PDIA6: variants seen among roughly 807,000 people sequenced by gnomAD.
PDIA6 encodes the protein protein disulfide-isomerase A6.
In PDIA6, 29 loss-of-function variants were observed where a neutral mutation model predicts 58.4. The ratio of observed to expected loss-of-function variants is 0.50; its 90% CI spans 0.37 to 0.68. The LOEUF is 0.68. Ranked by LOEUF, PDIA6 falls within the 30% of genes least tolerant of loss-of-function variation. PDIA6 has a pLI of 0.00. For synonymous variants in PDIA6, 192 were observed against 202.6 expected (o/e 0.95, Z 0.44); for missense variants, 480 against 551.0 (o/e 0.87, Z 1.29).
At chr2:10,816,077 C>CTTTTTTTTTTTT (rs57404091), upstream of PDIA6, among the ~76,000 whole-genome samples, 83 of 96,466 alleles carry the variant, frequency 8.6e-4, 5 homozygotes, top group African/African-American at 1.5e-3. Context: ...AATCATTTGT[C>CTTTTTTTTTTTT]TTTTTTTTTT....
chr2:10,820,078 C>T (rs963855127), intron 1 of PDIA6, among the ~76,000 whole-genome samples: 1 of 152,164 alleles, frequency 6.6e-6, no homozygotes, highest in Non-Finnish European at 1.5e-5. Flanking sequence ...GTGAAGTGGC[C>T]TCATTGTCTG....
upstream of PDIA6, among the ~76,000 whole-genome samples, chr2:10,815,909 C>A (rs1667177858): frequency 6.6e-6 from 1 of 151,912 alleles, no homozygotes; most frequent in Admixed American, 6.6e-5. Flanking sequence ...TAGAACCATC[C>A]CCACTAATCA....
At chr2:10,802,356 A>T in intron 2 of PDIA6, 143 bp downstream of exon 2, 1 of 443,546 alleles carries the variant, frequency 2.3e-6, no homozygotes, top group Non-Finnish European at 3.8e-6. Flanking sequence ...GATACTTTGC[A>T]TTTCCCATTT....
intron 10 of PDIA6, among the ~76,000 whole-genome samples, chr2:10,788,082 G>GAAAAAAAAT (rs1665865153): frequency 1.1e-5 from 1 of 94,124 alleles, no homozygotes. Context: ...AAAAAAAAAG[G>GAAAAAAAAT]ATAAAATAGG....
At chr2:10,799,001 G>T (rs988038707) in intron 2 of PDIA6, among the ~76,000 whole-genome samples, 14 of 151,946 alleles carry the variant, frequency 9.2e-5, no homozygotes, top group Non-Finnish European at 1.8e-4. Context: ...CGATGTGAGT[G>T]AATGACTGAG....
At chr2:10,810,234 A>C in intron 1 of PDIA6, 1 of 1,372,182 alleles carries the variant, frequency 7.3e-7, no homozygotes, top group Non-Finnish European at 1.0e-6. Flanking sequence ...CACAGAAAGG[A>C]TAACTTACCT....
intron 1 of PDIA6, among the ~76,000 whole-genome samples, chr2:10,831,793 ATCC>A (rs770732138): frequency 2.8e-4 from 43 of 152,064 alleles, no homozygotes; most frequent in Non-Finnish European, 5.1e-4. Context: ...GGCCGTAGTC[ATCC>A]TCCTCCTCCC....
intron 7 of PDIA6, 45 bp from the exon 8 acceptor site, chr2:10,789,934 G>A (rs750719925): frequency 6.2e-5 from 95 of 1,528,952 alleles, no homozygotes; most frequent in Non-Finnish European, 8.5e-5. Flanking sequence ...AACACTTAAT[G>A]CAAAATAACA....
In PDIA6 at chr2:10,785,049, A is replaced by C; in HGVS notation, c.1158-19T>G. ...GAGCTCCCTTAGGGAAAAATGACCA[A>C]AACACACACACACATTTACAATGGA... On this transcript the variant is annotated intron_variant, in intron 11 of 12. Coordinates refer to ENST00000272227, the MANE Select transcript of PDIA6 (RefSeq NM_005742.4). 1 of 1,466,304 alleles carries C rather than the reference A, an allele frequency of 6.8e-7. No individual in the cohort carries two copies. The highest frequency in any genetic ancestry group is 9.4e-7 in the Non-Finnish European group (1 of 1,065,860). The allele number at this position is 1,466,304 out of a possible 1,614,324, so 90.8% of individuals were successfully genotyped here.
At chr2:10,791,961 C>A in intron 5 of PDIA6, 36 bp from the exon 6 acceptor site, 1 of 1,597,844 alleles carries the variant, frequency 6.3e-7, no homozygotes. Flanking sequence ...AACAATTGGG[C>A]CAAGAAGAAC....
upstream of PDIA6, among the ~76,000 whole-genome samples, chr2:10,836,639 G>C (rs913229546): frequency 2.7e-5 from 4 of 150,550 alleles, no homozygotes; most frequent in Admixed American, 1.3e-4. Context: ...TCACAAGTTT[G>C]TGTAACCCCC....
intron 2 of PDIA6, among the ~76,000 whole-genome samples, chr2:10,799,599 C>T (rs571012542): frequency 2.0e-5 from 3 of 152,234 alleles, no homozygotes; most frequent in South Asian, 2.1e-4. Flanking sequence ...TAGGGTCTAT[C>T]GGGGGAATGT....
chr2:10,794,909 A>G (rs143913851), intron 4 of PDIA6, among the ~76,000 whole-genome samples: 11 of 152,324 alleles, frequency 7.2e-5, no homozygotes, highest in African/African-American at 2.4e-4. Context: ...CCTGGGCAAC[A>G]GAGTGAGACT....
chr2:10,819,206 G>A, intron 2 of PDIA6: 2 of 901,688 alleles, frequency 2.2e-6, no homozygotes, highest in South Asian at 3.0e-5. Context: ...TGGACACTTG[G>A]GTTGTTTTCA....
At chr2:10,812,323 A>T (rs1008516398) in intron 1 of PDIA6, among the ~76,000 whole-genome samples, 10 of 138,408 alleles carry the variant, frequency 7.2e-5, no homozygotes, top group Non-Finnish European at 1.5e-4. Flanking sequence ...AAGAGCCCGG[A>T]ACAAGCTCCC....
chr2:10,793,213 C>G lies in PDIA6; in HGVS notation c.347-11G>C, dbSNP rs374852559. 1.5e-5 allele frequency: 23 copies of G among 1,585,170 alleles called. No homozygotes were observed. The highest frequency in any genetic ancestry group is 2.6e-6 in the Non-Finnish European group (3 of 1,159,690). On this transcript the variant is annotated splice_polypyrimidine_tract_variant and intron_variant, in intron 4 of 12. Transcript: ENST00000272227. ...CACCAGTTCTGCCACCTACAGGAGACGGAAGGTAGGCGGTCCTCAGCCCGG... is the reference window on the plus strand; with the variant it reads ...CACCAGTTCTGCCACCTACAGGAGAGGGAAGGTAGGCGGTCCTCAGCCCGG...
chr2:10,784,209 C>T lies in PDIA6; in HGVS notation c.*49G>A, dbSNP rs200948949. The T allele has an allele frequency of 5.1e-5, 76 of 1,478,652 alleles. No individual in the cohort carries two copies. Among genetic ancestry groups the T allele is most frequent in the Non-Finnish European group, 1.9e-6 (2 of 1,068,936 alleles). 91.6% of individuals were successfully genotyped at this position (1,478,652 alleles called of 1,614,324 possible). On this transcript the variant is annotated 3_prime_UTR_variant, in exon 13 of 13. Transcript: ENST00000272227. ...AATGTCCCTTCACTGCTGGAAAAAT[C>T]CACTGGCTCCCAAGAAAAGAAAATG...
chr2:10,816,824 T>TGGGGGCG (rs1667210749), upstream of PDIA6, among the ~76,000 whole-genome samples: 1 of 152,150 alleles, frequency 6.6e-6, no homozygotes, highest in African/African-American at 2.4e-5. Context: ...TCTGTTTTGT[T>TGGGGGCG]GGGGGCGGAG....
upstream of PDIA6, among the ~76,000 whole-genome samples, chr2:10,833,342 G>A (rs1464907381): frequency 2.6e-5 from 4 of 152,108 alleles, no homozygotes; most frequent in East Asian, 1.9e-4. Context: ...ATCCTTTCCC[G>A]TTTGGAATTT....
Sources: allele counts gnomAD v4.1 joint callset (sites outside exome capture counted in the v4.1 genomes callset), GRCh38; gene constraint gnomAD v4.1.1; transcripts MANE v1.5; gene names NCBI Gene and HGNC (gene_info 2026-07-23, HGNC 2026-07-21).